Variants in TTLL5 observed in about 807,000 individuals in gnomAD.
TTLL5 encodes tubulin polyglutamylase TTLL5.
TTLL5 carries 132 observed loss-of-function variants against 168.4 expected under a neutral mutation model. The ratio of observed to expected loss-of-function variants is 0.78; its 90% CI spans 0.68 to 0.91. TTLL5 has a LOEUF of 0.91. Among genes scored for constraint, TTLL5 ranks in the 40% least tolerant of loss-of-function variants. The pLI is 0.00. For missense variants in TTLL5, 1,545 were observed against 1,581.5 expected (o/e 0.98, Z 0.39); for synonymous variants, 546 against 558.6 (o/e 0.98, Z 0.32).
At chr14:75,949,982 C>G (rs868763418) in intron 31 of TTLL5, among the ~76,000 whole-genome samples, 5 of 151,890 alleles carry the variant, frequency 3.3e-5, no homozygotes, top group South Asian at 2.1e-4. Context: ...AGAGAAGAAC[C>G]CTTATACTCC....
At chr14:75,853,354 C>T (rs961532065) in intron 28 of TTLL5, among the ~76,000 whole-genome samples, 1 of 152,208 alleles carries the variant, frequency 6.6e-6, no homozygotes, top group African/African-American at 2.4e-5. Flanking sequence ...GTGTTAATAC[C>T]ACCTATTCCA....
chr14:75,866,372 T>C (rs113790361), intron 29 of TTLL5, among the ~76,000 whole-genome samples: 69 of 152,332 alleles, frequency 4.5e-4, no homozygotes, highest in African/African-American at 1.5e-3. Flanking sequence ...TTGGATTCAT[T>C]TCTCTAAAGT....
chr14:75,761,605 A>G (rs1890655133), intron 18 of TTLL5, among the ~76,000 whole-genome samples: 1 of 152,234 alleles, frequency 6.6e-6, no homozygotes, highest in Admixed American at 6.5e-5. Flanking sequence ...GTATGGTTTC[A>G]TTTTTATGAA....
chr14:75,771,630 T>C, intron 20 of TTLL5, 104 bp from the exon 21 acceptor site: 1 of 1,511,626 alleles, frequency 6.6e-7, no homozygotes, highest in Non-Finnish European at 9.0e-7. Flanking sequence ...TTCTTAGCCA[T>C]CATAATAGAA....
At chr14:75,718,809 G>A (rs1176978554) in intron 10 of TTLL5, among the ~76,000 whole-genome samples, 1 of 152,060 alleles carries the variant, frequency 6.6e-6, no homozygotes, top group Non-Finnish European at 1.5e-5. Context: ...GCCAGAAAGT[G>A]GAAAAGTGGA....
intron 31 of TTLL5, among the ~76,000 whole-genome samples, chr14:75,947,954 A>AT (rs397969004): frequency 1.3e-5 from 2 of 151,220 alleles, no homozygotes; most frequent in Admixed American, 6.6e-5. Context: ...AAAAAAAAAA[A>AT]TCGAAATTTT....
intron 31 of TTLL5, among the ~76,000 whole-genome samples, chr14:75,932,846 A>G (rs994663927): frequency 2.6e-5 from 4 of 152,196 alleles, no homozygotes; most frequent in Admixed American, 2.6e-4. Flanking sequence ...TGAAAGCTGG[A>G]TGAGATACTG....
At chr14:75,866,829 T>C (rs10873284) in intron 29 of TTLL5, among the ~76,000 whole-genome samples, 134,380 of 152,210 alleles carry the variant, frequency 0.88, 59,416 homozygotes, top group South Asian at 0.92. Context: ...CTTAATCCAC[T>C]CCTGCAAAAG....
intron 28 of TTLL5, among the ~76,000 whole-genome samples, chr14:75,840,278 G>T (rs938723939): frequency 5.3e-5 from 8 of 152,160 alleles, no homozygotes; most frequent in African/African-American, 1.9e-4. Context: ...TGCAGAACGT[G>T]CAGGTTTGTT....
chr14:75,841,148 C>T (rs1386352147), intron 28 of TTLL5, among the ~76,000 whole-genome samples: 1 of 152,224 alleles, frequency 6.6e-6, no homozygotes, highest in Non-Finnish European at 1.5e-5. Context: ...AATCACCTCC[C>T]ACCAGGCCCC....
chr14:75,801,727 G>A (rs1425551070), intron 27 of TTLL5, among the ~76,000 whole-genome samples: 1 of 151,992 alleles, frequency 6.6e-6, no homozygotes. Context: ...TTCTTTTTCT[G>A]GTAAATAACT....
At chr14:75,715,272 T>TC (rs1467594374) in intron 9 of TTLL5, among the ~76,000 whole-genome samples, 2 of 149,624 alleles carry the variant, frequency 1.3e-5, no homozygotes, top group East Asian at 3.9e-4. Flanking sequence ...TCCTTTTTTT[T>TC]TTTTTTTTTT....
intron 27 of TTLL5, among the ~76,000 whole-genome samples, chr14:75,811,296 G>A (rs1894007608): frequency 6.6e-6 from 1 of 151,684 alleles, no homozygotes; most frequent in Non-Finnish European, 1.5e-5. Context: ...CTAGATCAAG[G>A]ACAGAATCAT....
intron 4 of TTLL5, among the ~76,000 whole-genome samples, chr14:75,683,133 A>C (rs1360749483): frequency 2.0e-5 from 3 of 152,190 alleles, no homozygotes; most frequent in Admixed American, 6.5e-5. Flanking sequence ...TCTGGCACTT[A>C]ACATGGCGCC....
intron 29 of TTLL5, among the ~76,000 whole-genome samples, chr14:75,866,211 T>C (rs138546387): frequency 6.6e-6 from 1 of 152,378 alleles, no homozygotes; most frequent in East Asian, 1.9e-4. Context: ...GTAGATTTTA[T>C]ACCTTTGTAG....
chr14:75,912,261 C>T (rs116110244), intron 31 of TTLL5, among the ~76,000 whole-genome samples: 1,713 of 152,204 alleles, frequency 0.011, 29 homozygotes, highest in African/African-American at 0.038. Flanking sequence ...CCCTGGTGGG[C>T]AGAGCTCTCT....
chr14:75,867,990 C>T (rs1340209521), intron 29 of TTLL5, among the ~76,000 whole-genome samples: 2 of 152,162 alleles, frequency 1.3e-5, no homozygotes. Flanking sequence ...CTACTGGTGA[C>T]ATCAGCATGA....
intron 18 of TTLL5, among the ~76,000 whole-genome samples, chr14:75,761,283 T>C (rs1174607013): frequency 1.3e-5 from 2 of 152,132 alleles, no homozygotes; most frequent in Non-Finnish European, 2.9e-5. Context: ...TCGTTGACAG[T>C]GTAAACTGGT....
intron 30 of TTLL5, among the ~76,000 whole-genome samples, chr14:75,891,279 C>T (rs2032388938): frequency 6.6e-6 from 1 of 152,188 alleles, no homozygotes; most frequent in Non-Finnish European, 1.5e-5. Context: ...GTTTTAGTGT[C>T]TCACCTTGGT....
Sources: gnomAD v4.1 joint callset for allele counts (sites outside exome capture counted in the v4.1 genomes callset) on GRCh38, gnomAD v4.1.1 for gene constraint, MANE v1.5 for transcripts, NCBI Gene and HGNC (gene_info 2026-07-23, HGNC 2026-07-21) for gene names.